The following NKX2-1 variants were observed in gnomAD, a reference collection of about 807,000 sequenced individuals.
The protein encoded by NKX2-1 is NK2 homeobox 1, also known as homeobox protein Nkx-2.1.
In NKX2-1, 9 loss-of-function variants were observed where a neutral mutation model predicts 35.1. The ratio of observed to expected loss-of-function variants is 0.26; its 90% CI spans 0.15 to 0.45. The LOEUF (loss-of-function observed/expected upper bound fraction) is 0.45, where lower values mean the gene tolerates loss of function less well. Ranked by LOEUF, NKX2-1 falls within the 20% of genes least tolerant of loss-of-function variation. NKX2-1 has a pLI of 1.00. For synonymous variants in NKX2-1, 284 were observed against 269.9 expected (o/e 1.05, Z -0.51); for missense variants, 509 against 589.1 (o/e 0.86, Z 1.41).
intron 2 of NKX2-1, 80 bp downstream of exon 2, chr14:36,518,905 C>G (rs112448937): frequency 1.3e-5 from 18 of 1,388,056 alleles, no homozygotes; most frequent in African/African-American, 1.5e-5. Flanking sequence ...CGCAGCCTGC[C>G]GGCGCCGCGC....
Position 36,519,259 on chromosome 14 carries a change from G to A in NKX2-1, c.189C>T (p.Gly63=), listed in dbSNP as rs2139412559. 6.2e-7 allele frequency: 1 copy of A among 1,610,654 alleles called. No individual in the cohort carries two copies. The highest frequency in any genetic ancestry group is 8.5e-7 in the Non-Finnish European group (1 of 1,178,984). ...TGTACGCCGCCAGCGGAGCCCCGAG[G>A]CCGCCGCCCTCCATGCCCACTTTCT... ...SYKKVGMEGG[G]LGAPLAAYRQ... The change falls in exon 2 of 3, where the codon GGC becomes GGT. Residue 63 remains glycine (G), a synonymous_variant. Coordinates refer to ENST00000354822, the MANE Select transcript of NKX2-1 (RefSeq NM_001079668.3).
chr14:36,519,105 C>T lies in NKX2-1; in HGVS notation c.343G>A (p.Gly115Ser), dbSNP rs754037310. 1 of 1,604,496 alleles carries T rather than the reference C, an allele frequency of 6.2e-7. No individual in the cohort carries two copies. The highest frequency in any genetic ancestry group is 1.7e-5 in the Admixed American group (1 of 59,958). Residue 115 changes from glycine (G) to serine (S), a missense_variant, in exon 2 of 3, where the codon GGC (glycine) becomes AGC (serine). Coordinates refer to ENST00000354822, the MANE Select transcript of NKX2-1 (RefSeq NM_001079668.3). ...VPQLSHSAVG[G>S]YCNGNLGNMS... ...TTGCCCAGGTTGCCGTTGCAGTAGC[C>T]CCCCACGGCGGAGTGCGAGAGCTGG...
intron 2 of NKX2-1, 61 bp downstream of exon 2, chr14:36,518,924 C>A (rs1178909646): frequency 8.5e-6 from 12 of 1,418,648 alleles, no homozygotes; most frequent in Non-Finnish European, 1.1e-5. Flanking sequence ...GCCTTCTGGA[C>A]GGCTCTCGCC....
chr14:36,519,266 C>G lies in NKX2-1; in HGVS notation c.182G>C (p.Gly61Ala). Residue 61 changes from glycine (G) to alanine (A), a missense_variant, in exon 2 of 3, where the codon GGC (glycine) becomes GCC (alanine). Gly to Ala is a moderately conservative substitution (Grantham distance 60). Transcript: ENST00000354822. ...CGCCAGCGGAGCCCCGAGGCCGCCG[C>G]CCTCCATGCCCACTTTCTTGTAGCT... ...EESYKKVGME[G>A]GGLGAPLAAY... is the part of the protein sequence containing the mutation. 1.2e-6 allele frequency: 2 copies of G among 1,611,630 alleles called. No homozygotes were observed. Among genetic ancestry groups the G allele is most frequent in the Non-Finnish European group, 1.7e-6 (2 of 1,179,396 alleles).
chr14:36,517,365 C>G lies in NKX2-1; in HGVS notation c.1119G>C (p.Gln373His). The G allele has an allele frequency of 6.2e-7, 1 of 1,609,072 alleles. No individual in the cohort carries two copies. Among genetic ancestry groups the G allele is most frequent in the South Asian group, 1.1e-5 (1 of 89,792 alleles). Reference sequence around the variant, plus strand: ...AGTTCAGGTGGGACAGGCTGGATACCTGGCCCTGCAGCGCCGCGGGGCTGG... The same window carrying G: ...AGTTCAGGTGGGACAGGCTGGATACGTGGCCCTGCAGCGCCGCGGGGCTGG... ...HAASPAALQG[Q>H]VSSLSHLNSS... The change falls in exon 3 of 3, where the codon CAG (glutamine) becomes CAC (histidine). Residue 373 changes from glutamine (Q) to histidine (H), a missense_variant. By Grantham distance (24) the Gln-to-His change is conservative. Around this residue, in one of 5 missense-constraint regions of NKX2-1, gnomAD observed 212 missense variants for 227.7 expected, o/e 0.93. Transcript: ENST00000354822.
At chr14:36,518,434 G>A (rs1330743675) in intron 2 of NKX2-1, among the ~76,000 whole-genome samples, 3 of 152,120 alleles carry the variant, frequency 2.0e-5, no homozygotes, top group Admixed American at 1.3e-4. Flanking sequence ...TAGGAGAGGG[G>A]GTGTTGACTT....
chr14:36,519,914 A>T, intron 1 of NKX2-1, 139 bp downstream of exon 1: 1 of 1,327,962 alleles, frequency 7.5e-7, no homozygotes, highest in Non-Finnish European at 1.0e-6. Context: ...GAGATGGTTG[A>T]GAGGAAGGAA....
chr14:36,519,510 C>T (rs1407356568), intron 1 of NKX2-1, 140 bp from the exon 2 acceptor site: 2 of 1,538,048 alleles, frequency 1.3e-6, no homozygotes, highest in East Asian at 2.4e-5. Flanking sequence ...CGGAGTGGAC[C>T]GAGTCCTCCT....
intron 1 of NKX2-1, chr14:36,519,812 G>T: frequency 1.4e-6 from 2 of 1,397,160 alleles, no homozygotes; most frequent in South Asian, 1.5e-5. Flanking sequence ...GGGTACCAGC[G>T]GAGCGCGGGG....
intron 1 of NKX2-1, chr14:36,519,648 C>T (rs751928551): frequency 6.6e-7 from 1 of 1,526,224 alleles, no homozygotes; most frequent in South Asian, 1.2e-5. Context: ...TACATCTTGC[C>T]CGAGATAATT....
chr14:36,520,150 C>T lies in NKX2-1; in HGVS notation c.-21G>A. ...CACATCGGGCTTCGCTGCGCTGAGCCCCAGTCGCCAACAAATGAGCGAGCG... is the reference window on the plus strand; with the variant it reads ...CACATCGGGCTTCGCTGCGCTGAGCTCCAGTCGCCAACAAATGAGCGAGCG... On this transcript the variant is annotated 5_prime_UTR_variant, in exon 1 of 3. Transcript: ENST00000354822. 1 of 1,612,374 alleles carries T rather than the reference C, an allele frequency of 6.2e-7. No individual in the cohort carries two copies. Among genetic ancestry groups the T allele is most frequent in the South Asian group, 1.1e-5 (1 of 90,992 alleles).
At chr14:36,518,868 C>T (rs1881193149) in intron 2 of NKX2-1, 117 bp downstream of exon 2, 4 of 1,314,602 alleles carry the variant, frequency 3.0e-6, no homozygotes, top group African/African-American at 3.1e-5. Flanking sequence ...GGCGCCGCTG[C>T]CGGGCCGCCC....
chr14:36,519,813 G>A (rs1367694435), intron 1 of NKX2-1: 4 of 1,397,744 alleles, frequency 2.9e-6, no homozygotes, highest in Non-Finnish European at 3.8e-6. Flanking sequence ...GGTACCAGCG[G>A]AGCGCGGGGA....
In NKX2-1 at chr14:36,519,248, G is replaced by A. The variant is rs2139412510; in HGVS notation, c.200C>T (p.Pro67Leu). Reference sequence around the variant, plus strand: ...CTGGCCCTGCCTGTACGCCGCCAGCGGAGCCCCGAGGCCGCCGCCCTCCAT... The same window carrying A: ...CTGGCCCTGCCTGTACGCCGCCAGCAGAGCCCCGAGGCCGCCGCCCTCCAT... ...VGMEGGGLGA[P>L]LAAYRQGQAA... Residue 67 changes from proline (P) to leucine (L), a missense_variant, in exon 2 of 3, where the codon CCG becomes CTG. Coordinates refer to ENST00000354822, the MANE Select transcript of NKX2-1 (RefSeq NM_001079668.3). The A allele has an allele frequency of 6.2e-7, 1 of 1,610,040 alleles. No homozygotes were observed. The highest frequency in any genetic ancestry group is 8.5e-7 in the Non-Finnish European group (1 of 1,178,680).
At position 36,516,924 on chromosome 14, in the gene NKX2-1, C is replaced by T. The variant is rs1881045912; in HGVS notation, c.*354G>A. 2.8e-6 allele frequency: 1 copy of T among 356,064 alleles called. No homozygotes were observed. The highest frequency in any genetic ancestry group is 2.1e-5 in the African/African-American group (1 of 47,606). The allele number at this position is 356,064 out of a possible 1,614,324, so 22.1% of individuals were successfully genotyped here. On this transcript the variant is annotated 3_prime_UTR_variant, in exon 3 of 3. Transcript: ENST00000354822. ...AGTCCAGAGCCATGTCAGCACAGAG[C>T]CCTCTCCAATCTGTGCCCCGCCCTA...
rs114814082 is a variant in NKX2-1 at position 36,518,707 on chromosome 14, C to T, written c.463+278G>A. 9.9e-3 allele frequency among the ~76,000 whole-genome samples: 1,504 copies of T among 152,304 alleles called. 31 individuals are homozygous for T. Among genetic ancestry groups the T allele is most frequent in the African/African-American group, 0.034 (1,426 of 41,572 alleles). On this transcript the variant is annotated intron_variant, in intron 2 of 2. Transcript: ENST00000354822. ...GTCGCTTCCCTTGGCTCCCCGAGGTCTTCTGCGCCGAGCAGAGCTGCCAGT... is the reference window on the plus strand; with the variant it reads ...GTCGCTTCCCTTGGCTCCCCGAGGTTTTCTGCGCCGAGCAGAGCTGCCAGT...
At chr14:36,518,186 C>G (rs1190851014) in intron 2 of NKX2-1, among the ~76,000 whole-genome samples, 166 bp from the exon 3 acceptor site, 4 of 152,118 alleles carry the variant, frequency 2.6e-5, no homozygotes. Context: ...ACTGCCAGCG[C>G]CTGCCCCAGG....
rs1163716802 is a variant in NKX2-1, at chr14:36,517,553, T to G, written c.931A>C (p.Ser311Arg). The part of the protein sequence containing the change: ...QAGAPAPGAA[S>R]LQGHAQQQAQ... The stretch of plus-strand genomic sequence containing the variant: ...TGCTGCTGCGCGTGGCCTTGTAGGC[T>G]GGCGGCGCCCGGCGCGGGGGCACCC... The change falls in exon 3 of 3, where the codon AGC becomes CGC. Residue 311 changes from serine (S) to arginine (R), a missense_variant. This residue lies in a region of NKX2-1 where 212 missense variants were observed against 227.7 expected (regional missense o/e 0.93). Transcript: ENST00000354822. 1 of 1,464,866 alleles carries G rather than the reference T, an allele frequency of 6.8e-7. No individual in the cohort carries two copies. The highest frequency in any genetic ancestry group is 1.4e-5 in the South Asian group (1 of 73,444). The allele number at this position is 1,464,866 out of a possible 1,614,324, so 90.7% of individuals were successfully genotyped here. A position where few individuals can be genotyped will look rare whatever the true frequency, so the allele number is the denominator to read the frequency against.
chr14:36,517,091 A>AGAGGGG lies in NKX2-1; in HGVS notation c.*186_*187insCCCCTC. On this transcript the variant is annotated 3_prime_UTR_variant, in exon 3 of 3. Coordinates refer to ENST00000354822, the MANE Select transcript of NKX2-1 (RefSeq NM_001079668.3). ...TTAAAAAAAAAAACCCACAAATTTT[A>AGAGGGG]GGGGGGGAAAAAAAGAAAGACGTCC... The AGAGGGG allele has an allele frequency of 9.7e-7, 1 of 1,026,192 alleles. No homozygotes were observed. Among genetic ancestry groups the AGAGGGG allele is most frequent in the Non-Finnish European group, 1.3e-6 (1 of 759,258 alleles). The allele number at this position is 1,026,192 out of a possible 1,614,324, so 63.6% of individuals were successfully genotyped here.
Sources: gnomAD v4.1 joint callset for allele counts (sites outside exome capture counted in the v4.1 genomes callset) on GRCh38, gnomAD v4.1.1 for gene constraint, gnomAD v4.1.1 regional missense constraint, MANE v1.5 for transcripts, NCBI Gene and HGNC (gene_info 2026-07-23, HGNC 2026-07-21) for gene names.